MKI67: variants seen among roughly 807,000 people sequenced by gnomAD.
The protein encoded by MKI67 is marker of proliferation Ki-67, also known as proliferation marker protein Ki-67.
MKI67 carries 152 observed loss-of-function variants against 233.5 expected under a neutral mutation model. The observed-to-expected ratio is 0.65, with a 90% CI of 0.57 to 0.74. The LOEUF is 0.74. Among genes scored for constraint, MKI67 ranks in the 30% least tolerant of loss-of-function variants. The pLI is 0.00. For synonymous variants in MKI67, 1,465 were observed against 1,418.5 expected, an observed-to-expected ratio of 1.03 and a Z score of -0.74; for missense variants, 3,940 against 3,885.2, an observed-to-expected ratio of 1.01 and a Z score of -0.37.
rs8473 is a variant in MKI67 at position 128,101,314 on chromosome 10, T to C, written c.9649A>G (p.Lys3217Glu). Residue 3217 changes from lysine to glutamate, a missense_variant, in exon 14 of 15, where the codon AAA becomes GAA. Coordinates refer to ENST00000368654, the MANE Select transcript of MKI67 (RefSeq NM_002417.5). The part of the protein sequence containing the change: ...SQPAASTLES[K>E]SVQRVTRSVK... Reference sequence around the variant, plus strand: ...CTCCGCGTTACTCTCTGCACAGATTTGCTCTCCAAAGTGCTTGCTGCAGGC... The same window carrying C: ...CTCCGCGTTACTCTCTGCACAGATTCGCTCTCCAAAGTGCTTGCTGCAGGC... 0.51 allele frequency: 829,266 copies of C among 1,613,866 alleles called. 214,248 individuals are homozygous for C. Among genetic ancestry groups the C allele is most frequent in the Admixed American group, 0.59 (35,137 of 60,024 alleles).
At position 128,105,907 on chromosome 10, in the gene MKI67, T is replaced by G; in HGVS notation, c.5933A>C (p.Glu1978Ala). 6.2e-7 allele frequency: 1 copy of G among 1,613,812 alleles called. No individual in the cohort carries two copies. Among genetic ancestry groups the G allele is most frequent in the African/African-American group, 1.3e-5 (1 of 74,824 alleles). ...TGGTTGTGGAGATTTGCAGGATACT[T>G]CTGTGATTTTGTCATCGGTCATTGA... Reference protein sequence around the residue: ...EESMTDDKITEVSCKSPQPDP... With the variant: ...EESMTDDKITAVSCKSPQPDP... Residue 1978 changes from glutamate (E) to alanine (A), a missense_variant, in exon 13 of 15, where the codon GAA becomes GCA. Transcript: ENST00000368654.
intron 2 of MKI67, among the ~76,000 whole-genome samples, chr10:128,123,807 C>CA (rs199917462): frequency 0.037 from 5,541 of 149,404 alleles, 134 homozygotes; most frequent in Non-Finnish European, 0.049. Flanking sequence ...GCAAGCGACA[C>CA]AAAAAAAAAA....
chr10:128,124,120 T>C (rs1298401767), intron 2 of MKI67, among the ~76,000 whole-genome samples: 3 of 152,206 alleles, frequency 2.0e-5, no homozygotes, highest in Non-Finnish European at 4.4e-5. Context: ...CAAGGAGTAC[T>C]GTATAAAAAA....
At position 128,106,931 on chromosome 10, in the gene MKI67, G is replaced by A. The variant is rs1421688558; in HGVS notation, c.4909C>T (p.Leu1637=). Residue 1637 remains leucine (L), a synonymous_variant, in exon 13 of 15, where the codon CTG becomes TTG. Transcript: ENST00000368654. The stretch of plus-strand genomic sequence containing the variant: ...TCTTCTTTCACGCCCACTTTCCCCA[G>A]GGATGTCTTGAGCCGTCGCTTGGAG... ...ASSKRRLKTS[L]GKVGVKEELL... is the part of the protein sequence containing the mutation. The A allele has an allele frequency of 1.1e-5, 18 of 1,613,964 alleles. No homozygotes were observed. In the East Asian group the frequency reaches 3.1e-4, roughly 28 times the overall value.
At chr10:128,114,233 C>A (rs376450886) in intron 7 of MKI67, among the ~76,000 whole-genome samples, 56 of 152,200 alleles carry the variant, frequency 3.7e-4, no homozygotes, top group African/African-American at 1.4e-3. Context: ...GCCCAGACAA[C>A]TTTTCTTCTA....
chr10:128,101,370 A>G lies in MKI67; in HGVS notation c.9593T>C (p.Met3198Thr). The change falls in exon 14 of 15, where the codon ATG (methionine) becomes ACG (threonine). Residue 3198 changes from methionine (M) to threonine (T), a missense_variant. Met to Thr is a moderately conservative substitution (Grantham distance 81). Coordinates refer to ENST00000368654, the MANE Select transcript of MKI67 (RefSeq NM_002417.5). ...GKGEAGNSDS[M>T]CLRSRKTKSQ... Reference sequence around the variant, plus strand: ...TTTTGTCTTTCTTGATCTCAGGCACATGGAGTCTGAATTTCCTGCTTCTCC... The same window carrying G: ...TTTTGTCTTTCTTGATCTCAGGCACGTGGAGTCTGAATTTCCTGCTTCTCC... 1 of 1,614,148 alleles carries G rather than the reference A, an allele frequency of 6.2e-7. No homozygotes were observed. Among genetic ancestry groups the G allele is most frequent in the Non-Finnish European group, 8.5e-7 (1 of 1,180,004 alleles).
Position 128,105,057 on chromosome 10 carries a change from T to C in MKI67, c.6783A>G (p.Ser2261=), listed in dbSNP as rs1434255372. The part of the protein sequence containing the change: ...ESLALRKRTP[S]VGKAMDTPKP... ...TGGGTGTGTCCATAGCTTTCCCTAC[T>C]GATGGTGTTCGTTTCCTGAGTGCTA... Residue 2261 remains serine, a synonymous_variant, in exon 13 of 15, where the codon TCA becomes TCG. Transcript: ENST00000368654. 2.5e-6 allele frequency: 4 copies of C among 1,613,880 alleles called. No individual in the cohort carries two copies. Among genetic ancestry groups the C allele is most frequent in the Non-Finnish European group, 3.4e-6 (4 of 1,180,022 alleles).
chr10:128,108,571 C>G lies in MKI67; in HGVS notation c.3269G>C (p.Arg1090Thr), dbSNP rs144881533. 19 of 1,614,194 alleles carry G rather than the reference C, an allele frequency of 1.2e-5. No individual in the cohort carries two copies. The African/African-American group carries it at 2.4e-4, about 20-fold the overall frequency. The change falls in exon 13 of 15, where the codon AGA becomes ACA. Residue 1090 changes from arginine to threonine, a missense_variant. Physicochemically the swap from Arg to Thr is moderately conservative, Grantham distance 71. Transcript: ENST00000368654. ...TGACTGGGCCTCTTCCTTAGGCGTT[C>G]TTGGCCACTTCTTCATTCCAGTTAC... ...ARVTGMKKWP[R>T]TPKEEAQSLE...
chr10:128,118,706 C>T (rs530764506), intron 5 of MKI67, among the ~76,000 whole-genome samples: 3 of 152,302 alleles, frequency 2.0e-5, no homozygotes, highest in Non-Finnish European at 4.4e-5. Context: ...ATTATGTTTT[C>T]ATAAGCTGTA....
In MKI67 at chr10:128,106,123, G is replaced by A. The variant is rs776996722; in HGVS notation, c.5717C>T (p.Thr1906Met). 29 of 1,613,946 alleles carry A rather than the reference G, an allele frequency of 1.8e-5. No homozygotes were observed. The highest frequency in any genetic ancestry group is 2.7e-5 in the African/African-American group (2 of 74,868). The stretch of plus-strand genomic sequence containing the variant: ...CTCTTCACCTACTGCTGCTTTAGGC[G>A]TGTGCATGGCTTTGCCTGCTGATGG... ...LTPSAGKAMH[T>M]PKAAVGEEKD... The change falls in exon 13 of 15, where the codon ACG (threonine) becomes ATG (methionine). Residue 1906 changes from threonine (T) to methionine (M), a missense_variant. Physicochemically the swap from Thr to Met is moderately conservative, Grantham distance 81 (BLOSUM62 -1). Transcript: ENST00000368654.
At position 128,111,786 on chromosome 10, in the gene MKI67, T is replaced by C. The variant is rs776627408; in HGVS notation, c.2119A>G (p.Ser707Gly). The C allele has an allele frequency of 6.2e-7, 1 of 1,613,126 alleles. No individual in the cohort carries two copies. Among genetic ancestry groups the C allele is most frequent in the South Asian group, 1.1e-5 (1 of 90,612 alleles). The change falls in exon 11 of 15, where the codon AGT becomes GGT. Residue 707 changes from serine to glycine, a missense_variant. Ser to Gly is a moderately conservative substitution (Grantham distance 56). Coordinates refer to ENST00000368654, the MANE Select transcript of MKI67 (RefSeq NM_002417.5). The part of the protein sequence containing the change: ...KPVGEVHSQF[S>G]TGHANSPCTI... Reference sequence around the variant, plus strand: ...CAAGGAGAGTTTGCGTGGCCTGTACTAAATTGACTGTGAACTTCGCCCACA... The same window carrying C: ...CAAGGAGAGTTTGCGTGGCCTGTACCAAATTGACTGTGAACTTCGCCCACA...
At position 128,099,150 on chromosome 10, in the gene MKI67, A is replaced by C. The variant is rs757916296; in HGVS notation, c.*40T>G. On this transcript the variant is annotated 3_prime_UTR_variant, in exon 15 of 15. Transcript: ENST00000368654. ...AAAAACTGCACTAGAACTTATCACA[A>C]AACTAACTTTATTATATTTTTCCCA... The C allele has an allele frequency of 6.6e-7, 1 of 1,522,868 alleles. No homozygotes were observed. Among genetic ancestry groups the C allele is most frequent in the Admixed American group, 1.7e-5 (1 of 57,350 alleles). The allele number at this position is 1,522,868 out of a possible 1,614,324, so 94.3% of individuals were successfully genotyped here.
At chr10:128,110,335 C>T (rs755059814) in intron 12 of MKI67, 43 bp downstream of exon 12, 1 of 1,465,438 alleles carries the variant, frequency 6.8e-7, no homozygotes, top group South Asian at 1.5e-5. Flanking sequence ...ACTGTATGTT[C>T]CTATCCCAAA....
Position 128,101,298 on chromosome 10 carries a change from ACT to A in MKI67, c.9663_9664del (p.Arg3221SerfsTer16), listed in dbSNP as rs1274520528. ...TGCACACCTCTTGACACTCCGCGTT[ACT>A]CTCTGCACAGATTTGCTCTCCAAAG... On this transcript the variant is annotated frameshift_variant, in exon 14 of 15. Coordinates refer to ENST00000368654, the MANE Select transcript of MKI67 (RefSeq NM_002417.5). LOFTEE classifies it low-confidence loss of function (END_TRUNC). The A allele has an allele frequency of 3.7e-6, 6 of 1,614,016 alleles. No individual in the cohort carries two copies. The highest frequency in any genetic ancestry group is 3.3e-5 in the South Asian group (3 of 91,090).
Position 128,102,608 on chromosome 10 carries a change from T to G in MKI67, c.9232A>C (p.Lys3078Gln). ...TTTTCAGGGACCGAGTCTTGTAATT[T>G]GTGTTCCTCTTTGTTGGTTTTCATG... is the stretch of plus-strand genomic sequence containing the variant. ...NDMKTNKEEHKLQDSVPENKG... is the reference protein window; with the variant it reads ...NDMKTNKEEHQLQDSVPENKG... The change falls in exon 13 of 15, where the codon AAA (lysine) becomes CAA (glutamine). Residue 3078 changes from lysine to glutamine, a missense_variant. By Grantham distance (53) the Lys-to-Gln change is moderately conservative. Transcript: ENST00000368654. 6.2e-7 allele frequency: 1 copy of G among 1,614,006 alleles called. No individual in the cohort carries two copies. The highest frequency in any genetic ancestry group is 8.5e-7 in the Non-Finnish European group (1 of 1,179,852).
intron 4 of MKI67, among the ~76,000 whole-genome samples, chr10:128,122,087 T>A (rs1293231809): frequency 6.6e-6 from 1 of 152,130 alleles, no homozygotes; most frequent in Non-Finnish European, 1.5e-5. Flanking sequence ...CTTCTGGAAA[T>A]GTTCTATATG....
intron 4 of MKI67, among the ~76,000 whole-genome samples, chr10:128,121,362 GTATATAT>G (rs892235808): frequency 5.6e-5 from 8 of 141,838 alleles, no homozygotes; most frequent in South Asian, 4.3e-4. Flanking sequence ...TATTATATAT[GTATATAT>G]TATATATTAT....
chr10:128,112,028 C>T lies in MKI67; in HGVS notation c.1987G>A (p.Asp663Asn). ...TGTTTTGCACCAAGTTTTACTACAT[C>T]TGCCCATGATTTTGCAACTGTCAAA... ...ANLIVAKSWA[D>N]VVKLGAKQTQ... Residue 663 changes from aspartate (D) to asparagine (N), a missense_variant, in exon 10 of 15, where the codon GAT becomes AAT. Coordinates refer to ENST00000368654, the MANE Select transcript of MKI67 (RefSeq NM_002417.5). 6.2e-7 allele frequency: 1 copy of T among 1,612,274 alleles called. No individual in the cohort carries two copies. The highest frequency in any genetic ancestry group is 8.5e-7 in the Non-Finnish European group (1 of 1,179,574).
rs1853045610 is a variant in MKI67 at position 128,125,911 on chromosome 10, C to A, written c.-89-155G>T. ...CAGCCCCCGGCGCCCCAAAGTCCGGCAGCTGGGGTGTTGTCGCCAGCGCCT... is the reference window on the plus strand; with the variant it reads ...CAGCCCCCGGCGCCCCAAAGTCCGGAAGCTGGGGTGTTGTCGCCAGCGCCT... On this transcript the variant is annotated intron_variant, in intron 1 of 14. Transcript: ENST00000368654. This position sits in a 1 kb window ranked among gnomAD's most constrained non-coding sequence, Gnocchi z 5.3. 1.3e-5 allele frequency among the ~76,000 whole-genome samples: 2 copies of A among 152,140 alleles called. No homozygotes were observed. The highest frequency in any genetic ancestry group is 6.5e-5 in the Admixed American group (1 of 15,286).
Sources: allele counts gnomAD v4.1 joint callset (sites outside exome capture counted in the v4.1 genomes callset), GRCh38; gene constraint gnomAD v4.1.1; non-coding constraint Gnocchi (gnomAD v3.1); transcripts MANE v1.5; gene names NCBI Gene and HGNC (gene_info 2026-07-23, HGNC 2026-07-21).